CELF2: variants seen among roughly 807,000 people sequenced by gnomAD.
CELF2 encodes the protein CUG triplet repeat RNA-binding protein 2.
Under a neutral mutation model 62.6 loss-of-function variants are expected in CELF2, and 8 were observed. The ratio of observed to expected loss-of-function variants is 0.13; its 90% confidence interval spans 0.07 to 0.23. CELF2 has a LOEUF of 0.23. Ranked by LOEUF, CELF2 falls within the 10% of genes least tolerant of loss-of-function variation. The pLI is 1.00. For synonymous variants in CELF2, 258 were observed against 250.0 expected (o/e 1.03, Z -0.30); for missense variants, 333 against 671.0 (o/e 0.50, Z 5.56).
At chr10:10,519,095 G>T in the CELF2 span, among the ~76,000 whole-genome samples, 1 of 152,204 alleles carries the variant, frequency 6.6e-6, no homozygotes, top group East Asian at 1.9e-4. Context: ...GATTTTCAGG[G>T]AGGTGACCCA....
chr10:11,288,376 G>A (rs767591296), intron 8 of CELF2, 42 bp from the exon 9 acceptor site: 64 of 1,609,382 alleles, frequency 4.0e-5, no homozygotes, highest in Non-Finnish European at 5.3e-5. Flanking sequence ...CTGTAGAAGT[G>A]TGAGGCCTGT....
chr10:11,045,042 G>C (rs535783267), intron 1 of CELF2, among the ~76,000 whole-genome samples: 57 of 152,348 alleles, frequency 3.7e-4, no homozygotes, highest in South Asian at 1.9e-3. Context: ...TAACTTTGGT[G>C]AAGATAATGT....
At chr10:11,167,392 A>G (rs1423332144) in intron 2 of CELF2, among the ~76,000 whole-genome samples, 1 of 152,248 alleles carries the variant, frequency 6.6e-6, no homozygotes, top group Non-Finnish European at 1.5e-5. Context: ...TTCATCCTTG[A>G]CAAGGAAAAT....
intron 1 of CELF2, among the ~76,000 whole-genome samples, chr10:10,852,208 G>T (rs1264135179): frequency 6.6e-6 from 1 of 152,178 alleles, no homozygotes; most frequent in Non-Finnish European, 1.5e-5. Flanking sequence ...ATGTCCTTCA[G>T]TGTGGATGAT....
chr10:10,523,408 A>G, the CELF2 span, among the ~76,000 whole-genome samples: 1 of 152,202 alleles, frequency 6.6e-6, no homozygotes, highest in Non-Finnish European at 1.5e-5. Flanking sequence ...CATTTACTTC[A>G]ACTTTTATTG....
the CELF2 span, among the ~76,000 whole-genome samples, chr10:10,514,685 C>T: frequency 5.3e-4 from 81 of 152,096 alleles, no homozygotes; most frequent in Admixed American, 1.4e-3. Context: ...TGGAAATAGT[C>T]GGTGGTGGAT....
intron 2 of CELF2, among the ~76,000 whole-genome samples, chr10:10,953,818 T>TAAA (rs58340846): frequency 7.0e-6 from 1 of 142,972 alleles, no homozygotes; most frequent in African/African-American, 2.6e-5. Context: ...ACAAGCAAAG[T>TAAA]AAAAAAAAAA....
the CELF2 span, among the ~76,000 whole-genome samples, chr10:10,529,642 C>T: frequency 5.5e-5 from 7 of 127,794 alleles, no homozygotes; most frequent in African/African-American, 1.5e-4. Flanking sequence ...CGAGATTGTG[C>T]CACTACACCC....
intron 1 of CELF2, among the ~76,000 whole-genome samples, chr10:10,876,058 C>A (rs2061070156): frequency 6.6e-6 from 1 of 152,198 alleles, no homozygotes. Context: ...TGAGCCATCC[C>A]AAAGTGTTGT....
At chr10:10,750,586 T>C in the CELF2 span, among the ~76,000 whole-genome samples, 1 of 152,280 alleles carries the variant, frequency 6.6e-6, no homozygotes, top group African/African-American at 2.4e-5. Context: ...TCCATTTCCC[T>C]GTCAGATGCT....
At chr10:10,606,804 T>C in the CELF2 span, among the ~76,000 whole-genome samples, 1 of 152,182 alleles carries the variant, frequency 6.6e-6, no homozygotes, top group African/African-American at 2.4e-5. Flanking sequence ...TTAAAGGGTC[T>C]GGGAAAGTCT....
intron 10 of CELF2, among the ~76,000 whole-genome samples, chr10:11,320,130 A>C (rs2095344700): frequency 6.6e-6 from 1 of 152,188 alleles, no homozygotes; most frequent in African/African-American, 2.4e-5. Context: ...ACCCAGAGGC[A>C]ATTGTGATGT....
chr10:11,139,171 T>G (rs553019033), intron 1 of CELF2, among the ~76,000 whole-genome samples: 1 of 152,338 alleles, frequency 6.6e-6, no homozygotes, highest in East Asian at 1.9e-4. Context: ...ATGTTACTTG[T>G]AAGGAAACTG....
intron 2 of CELF2, among the ~76,000 whole-genome samples, chr10:11,208,990 TG>T (rs1222784274): frequency 2.6e-5 from 4 of 152,286 alleles, no homozygotes; most frequent in African/African-American, 9.6e-5. Context: ...TTTTTTATAG[TG>T]TTCAGTTTAA....
intron 1 of CELF2, among the ~76,000 whole-genome samples, chr10:11,045,935 TG>T (rs1386687269): frequency 6.6e-6 from 1 of 152,194 alleles, no homozygotes; most frequent in Admixed American, 6.5e-5. Flanking sequence ...GTTACAATAA[TG>T]GGAGTTCACA....
the CELF2 span, among the ~76,000 whole-genome samples, chr10:10,515,014 G>A: frequency 1.8e-4 from 28 of 152,228 alleles, no homozygotes; most frequent in Non-Finnish European, 3.7e-4. Flanking sequence ...AACAGGTTAT[G>A]TAAATGCATC....
intron 1 of CELF2, among the ~76,000 whole-genome samples, chr10:10,876,888 GTGTT>G (rs1475934779): frequency 1.3e-5 from 2 of 152,220 alleles, no homozygotes; most frequent in Non-Finnish European, 2.9e-5. Flanking sequence ...GTGTGCATGT[GTGTT>G]TGTGTGCAAC....
At chr10:11,201,802 A>G (rs1046570422) in intron 2 of CELF2, among the ~76,000 whole-genome samples, 1 of 152,194 alleles carries the variant, frequency 6.6e-6, no homozygotes, top group Non-Finnish European at 1.5e-5. Context: ...CCAAGAATCC[A>G]TGTTTTTGCC....
chr10:11,299,623 T>C (rs888563837), intron 9 of CELF2, among the ~76,000 whole-genome samples: 4 of 152,198 alleles, frequency 2.6e-5, no homozygotes, highest in African/African-American at 9.6e-5. Flanking sequence ...CTGCCTCTTT[T>C]GTGATCCACG....
Sources: gnomAD v4.1 joint callset for allele counts (sites outside exome capture counted in the v4.1 genomes callset) on GRCh38, gnomAD v4.1.1 for gene constraint, MANE v1.5 for transcripts, NCBI Gene and HGNC (gene_info 2026-07-23, HGNC 2026-07-21) for gene names.